Variants in STK3 observed in about 807,000 individuals in gnomAD.
STK3 encodes the protein serine/threonine kinase 3.
In STK3, 41 loss-of-function variants were observed where a neutral mutation model predicts 58.0. The observed-to-expected ratio is 0.71, with a 90% CI of 0.55 to 0.92. The LOEUF (loss-of-function observed/expected upper bound fraction) is 0.92, where lower values mean the gene tolerates loss of function less well. Ranked by LOEUF, STK3 falls within the 40% of genes least tolerant of loss-of-function variation. STK3 has a pLI of 0.00. For synonymous variants in STK3, 170 were observed against 191.0 expected (o/e 0.89, Z 0.91); for missense variants, 479 against 602.7 (o/e 0.79, Z 2.15).
rs181472801 is a variant in STK3, at chr8:98,381,173, G to A, written n.57-1966C>T. On this transcript the variant is annotated intron_variant and non_coding_transcript_variant, in intron 1 of 2. Transcript: ENST00000518704. ...TTTAGTAGAGACGGGGTTTCACCAC[G>A]TTGGCCAGGCTGGTCTCAAACTCCT... 1.7e-3 allele frequency among the ~76,000 whole-genome samples: 265 copies of A among 152,034 alleles called. 1 individual carries two copies. Among genetic ancestry groups the A allele is most frequent in the African/African-American group, 5.8e-3 (242 of 41,468 alleles).
chr8:98,715,523 A>G (rs1443470755), intron 4 of STK3, among the ~76,000 whole-genome samples: 1 of 152,258 alleles, frequency 6.6e-6, no homozygotes, highest in Non-Finnish European at 1.5e-5. Flanking sequence ...CAAAAGACCC[A>G]TGAAAACATG....
At chr8:98,746,231 A>C (rs935687400) in intron 4 of STK3, among the ~76,000 whole-genome samples, 1 of 152,236 alleles carries the variant, frequency 6.6e-6, no homozygotes, top group Non-Finnish European at 1.5e-5. Flanking sequence ...GTCAACATTC[A>C]GAAGTTCAAA....
At chr8:98,928,770 C>T (rs1267460171) in intron 1 of STK3, among the ~76,000 whole-genome samples, 1 of 152,162 alleles carries the variant, frequency 6.6e-6, no homozygotes, top group Non-Finnish European at 1.5e-5. Flanking sequence ...TGATTCTCCC[C>T]AAAGGAAGCA....
chr8:98,779,055 A>G (rs1831916856), intron 1 of STK3, among the ~76,000 whole-genome samples: 1 of 151,980 alleles, frequency 6.6e-6, no homozygotes, highest in Admixed American at 6.6e-5. Flanking sequence ...ATAAAATAAA[A>G]TAAAAAAGCC....
At chr8:98,652,722 A>G (rs1303288589) in intron 6 of STK3, among the ~76,000 whole-genome samples, 21 of 149,714 alleles carry the variant, frequency 1.4e-4, no homozygotes. Flanking sequence ...ACAAAGATTA[A>G]AAGAGACAAA....
At chr8:98,877,601 A>C (rs552966992) in intron 3 of STK3, among the ~76,000 whole-genome samples, 2 of 152,168 alleles carry the variant, frequency 1.3e-5, no homozygotes, top group African/African-American at 4.8e-5. Flanking sequence ...CTCCTGCCTC[A>C]GCCTCTCAAG....
chr8:98,729,475 A>T (rs1022632228), intron 4 of STK3, among the ~76,000 whole-genome samples: 29 of 152,192 alleles, frequency 1.9e-4, no homozygotes, highest in African/African-American at 7.0e-4. Context: ...ATGTTATGGA[A>T]TGTATACTTT....
chr8:98,929,558 G>A (rs2132033722), intron 1 of STK3, among the ~76,000 whole-genome samples: 1 of 152,318 alleles, frequency 6.6e-6, no homozygotes, highest in South Asian at 2.1e-4. Context: ...GCTAAGGTGG[G>A]AGGATCACTT....
intron 1 of STK3, among the ~76,000 whole-genome samples, chr8:98,936,843 T>G (rs1840216712): frequency 6.6e-6 from 1 of 152,168 alleles, no homozygotes; most frequent in African/African-American, 2.4e-5. Context: ...CCACCCAGTT[T>G]GATTCCTGGA....
intron 4 of STK3, among the ~76,000 whole-genome samples, chr8:98,732,291 C>G (rs749828445): frequency 2.6e-5 from 4 of 152,016 alleles, no homozygotes; most frequent in African/African-American, 9.7e-5. Flanking sequence ...CTGAGCATAA[C>G]TAATAAAATG....
At chr8:98,411,748 T>C (rs1409067503) in intron 3 of STK3, among the ~76,000 whole-genome samples, 2 of 152,230 alleles carry the variant, frequency 1.3e-5, no homozygotes, top group Non-Finnish European at 2.9e-5. Flanking sequence ...AAATGCCTTA[T>C]GTGTGACCAA....
chr8:98,668,894 TAA>T (rs751993091), intron 6 of STK3, among the ~76,000 whole-genome samples: 2 of 151,994 alleles, frequency 1.3e-5, no homozygotes, highest in African/African-American at 2.4e-5. Context: ...GAATATGAAA[TAA>T]GTGTTTTCTG....
In STK3 at chr8:98,527,022, G is replaced by A. The variant is rs1005432605; in HGVS notation, c.1142-105C>T. On this transcript the variant is annotated intron_variant, in intron 9 of 10. Transcript: ENST00000419617. ...TGAAGCCATATAATAAATTTGCACT[G>A]GTCAGATTCAAGGCCAACATAATTA... 1.6e-5 allele frequency: 14 copies of A among 891,326 alleles called. No homozygotes were observed. In the African/African-American group the frequency reaches 2.2e-4, roughly 14 times the overall value. The allele number at this position is 891,326 out of a possible 1,614,324, so 55.2% of individuals were successfully genotyped here.
At chr8:98,350,722 T>G in the STK3 span, among the ~76,000 whole-genome samples, 1 of 152,222 alleles carries the variant, frequency 6.6e-6, no homozygotes, top group African/African-American at 2.4e-5. Context: ...GGATTTCCCC[T>G]TATAAAATAA....
intron 6 of STK3, among the ~76,000 whole-genome samples, chr8:98,705,461 C>T (rs1023636217): frequency 6.6e-6 from 1 of 151,386 alleles, no homozygotes; most frequent in African/African-American, 2.4e-5. Flanking sequence ...ATACAGCAGA[C>T]AGATTTTTAA....
intron 8 of STK3, among the ~76,000 whole-genome samples, chr8:98,575,268 T>C (rs1365648211): frequency 2.6e-5 from 4 of 151,790 alleles, no homozygotes; most frequent in Non-Finnish European, 4.4e-5. Context: ...AACCATAAAT[T>C]CTTTGGCAAT....
At chr8:98,767,196 A>C (rs1387023044) in intron 3 of STK3, 47 bp downstream of exon 3, 1 of 1,510,468 alleles carries the variant, frequency 6.6e-7, no homozygotes, top group Non-Finnish European at 8.8e-7. Flanking sequence ...TTTATTAGCA[A>C]AACTCGTCAA....
intron 6 of STK3, among the ~76,000 whole-genome samples, chr8:98,643,712 G>A (rs1820195782): frequency 6.6e-6 from 1 of 152,180 alleles, no homozygotes. Context: ...TTTGTTGAAT[G>A]AATAAATGAA....
downstream of STK3, among the ~76,000 whole-genome samples, chr8:98,452,125 T>C (rs570114255): frequency 3.5e-4 from 53 of 152,300 alleles, no homozygotes; most frequent in Admixed American, 9.8e-4. Context: ...AATCAGTAAT[T>C]TGAAAAGATT....
Sources: gnomAD v4.1 joint callset for allele counts (sites outside exome capture counted in the v4.1 genomes callset) on GRCh38, gnomAD v4.1.1 for gene constraint, MANE v1.5 for transcripts, NCBI Gene and HGNC (gene_info 2026-07-23, HGNC 2026-07-21) for gene names.